Variants in RPGRIP1 observed in about 807,000 individuals in gnomAD.
RPGRIP1 encodes RPGR interacting protein 1.
Under a neutral mutation model 157.9 loss-of-function variants are expected in RPGRIP1, and 128 were observed. The observed-to-expected ratio is 0.81, with a 90% CI of 0.70 to 0.94. The LOEUF (loss-of-function observed/expected upper bound fraction) is 0.94. RPGRIP1 is among the 40% of genes least tolerant of loss of function. The pLI is 0.00. For synonymous variants in RPGRIP1, 554 were observed against 571.6 expected (o/e 0.97, Z 0.44); for missense variants, 1,486 against 1,545.8 (o/e 0.96, Z 0.65).
intron 10 of RPGRIP1, among the ~76,000 whole-genome samples, chr14:21,313,308 T>G (rs1707006068): frequency 6.7e-6 from 1 of 149,320 alleles, no homozygotes; most frequent in Non-Finnish European, 1.5e-5. Flanking sequence ...TCGAGACCTG[T>G]CTGGGCAATA....
chr14:21,315,844 G>A lies in RPGRIP1; in HGVS notation c.1152-1852G>A, dbSNP rs1056310156. The stretch of plus-strand genomic sequence containing the variant: ...GGCAGAGTCTCACTCTGTTGCCCAG[G>A]GTAGAGTGCACTGGTGTGATCTTGG... On this transcript the variant is annotated intron_variant, in intron 10 of 24. Transcript: ENST00000400017. 3.3e-5 allele frequency among the ~76,000 whole-genome samples: 5 copies of A among 151,322 alleles called. No individual in the cohort carries two copies. In the South Asian group the frequency reaches 1.0e-3, roughly 32 times the overall value.
intron 10 of RPGRIP1, among the ~76,000 whole-genome samples, chr14:21,315,975 T>G (rs79371462): frequency 1.1e-4 from 3 of 26,088 alleles, no homozygotes; most frequent in Admixed American, 5.0e-4. Context: ...ATTTTTGTGG[T>G]TTTTTTTTTT....
chr14:21,349,523 C>T (rs944134826), intron 24 of RPGRIP1, among the ~76,000 whole-genome samples: 1 of 151,380 alleles, frequency 6.6e-6, no homozygotes, highest in Non-Finnish European at 1.5e-5. Context: ...CTGCCTCAGC[C>T]TCCCTAGTAG....
At chr14:21,320,975 CTT>C (rs1004417085) in intron 12 of RPGRIP1, among the ~76,000 whole-genome samples, 11 of 152,158 alleles carry the variant, frequency 7.2e-5, no homozygotes, top group African/African-American at 2.2e-4. Flanking sequence ...TTCTTCCACT[CTT>C]TGCAGCTCAT....
chr14:21,299,935 A>G (rs987408603), intron 3 of RPGRIP1, among the ~76,000 whole-genome samples: 6 of 152,066 alleles, frequency 3.9e-5, no homozygotes, highest in Non-Finnish European at 7.4e-5. Flanking sequence ...GGAGAGGGAG[A>G]TCTCTTGTTA....
chr14:21,309,918 C>T (rs1173576456), intron 7 of RPGRIP1, among the ~76,000 whole-genome samples: 1 of 123,806 alleles, frequency 8.1e-6, no homozygotes, highest in South Asian at 3.1e-4. Flanking sequence ...GGTGAAACCC[C>T]GTCTCTACTA....
chr14:21,320,122 G>A lies in RPGRIP1; in HGVS notation c.1412G>A (p.Arg471Lys). ...NAATISQPPD[R>K]QSEPATHPAV... ...GCCACAATTTCCCAACCTCCTGACA[G>A]GCAATCTGAACCAGCCACTCACCCA... The change falls in exon 12 of 25, where the codon AGG becomes AAG. Residue 471 changes from arginine (R) to lysine (K), a missense_variant. By Grantham distance (26) the Arg-to-Lys change is conservative. Coordinates refer to ENST00000400017, the MANE Select transcript of RPGRIP1 (RefSeq NM_020366.4). 1 of 1,613,892 alleles carries A rather than the reference G, an allele frequency of 6.2e-7. No homozygotes were observed. Among genetic ancestry groups the A allele is most frequent in the East Asian group, 2.2e-5 (1 of 44,890 alleles).
At position 21,342,426 on chromosome 14, in the gene RPGRIP1, C is replaced by G. The variant is rs1885104967; in HGVS notation, c.3340-610C>G. 2.6e-5 allele frequency among the ~76,000 whole-genome samples: 4 copies of G among 151,752 alleles called. No homozygotes were observed. The South Asian group carries it at 8.3e-4, about 32-fold the overall frequency. ...CCCTATGTGGTGGTGTACCTGTGGTCCTAGCTACTTGGGTGACTAAGGTGG... is the reference window on the plus strand; with the variant it reads ...CCCTATGTGGTGGTGTACCTGTGGTGCTAGCTACTTGGGTGACTAAGGTGG... On this transcript the variant is annotated intron_variant, in intron 21 of 24. Transcript: ENST00000400017.
At chr14:21,303,988 C>CA (rs111950080) in intron 6 of RPGRIP1, among the ~76,000 whole-genome samples, 11,626 of 129,340 alleles carry the variant, frequency 0.09, 607 homozygotes, top group East Asian at 0.27. Flanking sequence ...AACTTGGTCT[C>CA]AAAAAAAAAA....
intron 19 of RPGRIP1, among the ~76,000 whole-genome samples, chr14:21,329,791 C>T (rs1015268814): frequency 6.6e-6 from 1 of 150,938 alleles, no homozygotes; most frequent in East Asian, 2.0e-4. Flanking sequence ...CCACCATGCC[C>T]GGCCAACGAG....
chr14:21,307,836 G>A lies in RPGRIP1; in HGVS notation c.906G>A (p.Glu302=), dbSNP rs771327193. 4 of 1,530,306 alleles carry A rather than the reference G, an allele frequency of 2.6e-6. No individual in the cohort carries two copies. The South Asian group carries it at 3.8e-5, about 14-fold the overall frequency. The allele number at this position is 1,530,306 out of a possible 1,614,324, so 94.8% of individuals were successfully genotyped here. A position where few individuals can be genotyped will look rare whatever the true frequency, so the allele number is the denominator to read the frequency against. ...AAGCACAATTAACAGAAGTTCAAGA[G>A]GTGAGTTGCCATCATCAGCTGTGCT... The part of the protein sequence containing the change: ...MTKAQLTEVQ[E]AYETLLQKNQ... Residue 302 remains glutamate (E), a splice_region_variant and synonymous_variant, in exon 7 of 25, where the codon GAG becomes GAA. Coordinates refer to ENST00000400017, the MANE Select transcript of RPGRIP1 (RefSeq NM_020366.4).
At chr14:21,298,940 A>AT (rs1421257961) in intron 3 of RPGRIP1, among the ~76,000 whole-genome samples, 5 of 102,974 alleles carry the variant, frequency 4.9e-5, no homozygotes, top group Non-Finnish European at 8.2e-5. Context: ...ACTCTGTCTC[A>AT]TAAAAAAAAA....
At chr14:21,312,356 C>A in intron 9 of RPGRIP1, 77 bp from the exon 10 acceptor site, 1 of 986,404 alleles carries the variant, frequency 1.0e-6, no homozygotes, top group Non-Finnish European at 1.5e-6. Flanking sequence ...CACGCCCCTC[C>A]CTGCCATGGA....
intron 14 of RPGRIP1, 109 bp from the exon 15 acceptor site, chr14:21,324,509 A>G: frequency 1.1e-6 from 1 of 919,370 alleles, no homozygotes; most frequent in Non-Finnish European, 1.7e-6. Flanking sequence ...TGAAATAATC[A>G]CAACTTGGAC....
chr14:21,311,993 T>C (rs1378736953), intron 9 of RPGRIP1, 23 bp downstream of exon 9: 1 of 1,597,538 alleles, frequency 6.3e-7, no homozygotes, highest in African/African-American at 1.3e-5. Context: ...AGTTGAAAGA[T>C]ACCATCTACA....
intron 23 of RPGRIP1, 98 bp downstream of exon 23, chr14:21,345,295 C>T: frequency 1.3e-6 from 1 of 780,448 alleles, no homozygotes. Context: ...ATTTTAATAA[C>T]TTTTTTGAGT....
At chr14:21,306,112 CTTTTTTTTTTTTTTTTTTTT>C (rs539083010) in intron 6 of RPGRIP1, among the ~76,000 whole-genome samples, 8 of 44,790 alleles carry the variant, frequency 1.8e-4, no homozygotes, top group Admixed American at 8.0e-4. Context: ...GAATAATAGT[CTTTTTTTTTTTTTTTTTTTT>C]TTTTTTTTTT....
In RPGRIP1 at chr14:21,324,503, A is replaced by G. The variant is rs1882835160; in HGVS notation, c.1763-115A>G. 2.5e-5 allele frequency: 22 copies of G among 884,610 alleles called. No individual in the cohort carries two copies. In the South Asian group the frequency reaches 3.0e-4, roughly 12 times the overall value. 54.8% of individuals were successfully genotyped at this position (884,610 alleles called of 1,614,324 possible). On this transcript the variant is annotated intron_variant, in intron 14 of 24. Transcript: ENST00000400017. ...CTTTTGAATCACGTGGTTTCTTGAAATAATCACAACTTGGACTTCCACCAT... is the reference window on the plus strand; with the variant it reads ...CTTTTGAATCACGTGGTTTCTTGAAGTAATCACAACTTGGACTTCCACCAT...
intron 19 of RPGRIP1, among the ~76,000 whole-genome samples, chr14:21,329,808 C>G (rs948870950): frequency 6.7e-6 from 1 of 150,282 alleles, no homozygotes; most frequent in Non-Finnish European, 1.5e-5. Context: ...CGAGTACTAA[C>G]TTTTAAAAAT....
Sources: allele counts gnomAD v4.1 joint callset (sites outside exome capture counted in the v4.1 genomes callset), GRCh38; gene constraint gnomAD v4.1.1; transcripts MANE v1.5; gene names NCBI Gene and HGNC (gene_info 2026-07-23, HGNC 2026-07-21).